PDE4D: variants seen among roughly 807,000 people sequenced by gnomAD.
PDE4D encodes the protein 3',5'-cyclic-AMP phosphodiesterase 4D.
A neutral mutation model predicts 87.4 loss-of-function variants in PDE4D; 24 were observed. The ratio of observed to expected loss-of-function variants is 0.27; its 90% CI spans 0.20 to 0.39. The LOEUF (loss-of-function observed/expected upper bound fraction) is 0.39, where lower values mean the gene tolerates loss of function less well. Ranked by LOEUF, PDE4D falls within the 10% of genes least tolerant of loss-of-function variation. PDE4D has a pLI of 1.00. For synonymous variants in PDE4D, 384 were observed against 383.2 expected, an observed-to-expected ratio of 1.00 and a Z score of -0.02; for missense variants, 714 against 1,041.0, an observed-to-expected ratio of 0.69 and a Z score of 4.32.
intron 1 of PDE4D, among the ~76,000 whole-genome samples, chr5:59,446,164 A>C (rs896359028): frequency 2.0e-5 from 3 of 152,150 alleles, no homozygotes; most frequent in Non-Finnish European, 4.4e-5. Flanking sequence ...TAACATATAC[A>C]ATCTTTTATG....
At chr5:59,509,161 A>G (rs1257244468) in intron 1 of PDE4D, among the ~76,000 whole-genome samples, 1 of 151,998 alleles carries the variant, frequency 6.6e-6, no homozygotes, top group Non-Finnish European at 1.5e-5. Context: ...AAAAATAAGA[A>G]TTTCAAAGCA....
At chr5:60,181,212 G>C (rs927220734) in intron 2 of PDE4D, among the ~76,000 whole-genome samples, 3 of 152,086 alleles carry the variant, frequency 2.0e-5, no homozygotes, top group African/African-American at 7.2e-5. Flanking sequence ...GTGAGTGACT[G>C]CTTCTAAAAA....
chr5:59,574,141 TATAA>T (rs1822672297), intron 1 of PDE4D, among the ~76,000 whole-genome samples: 1 of 5,088 alleles, frequency 2.0e-4, no homozygotes, highest in African/African-American at 3.6e-4. Context: ...TATATATATA[TATAA>T]ATATATATTT....
chr5:59,228,270 G>A (rs944846431), intron 1 of PDE4D, among the ~76,000 whole-genome samples: 5 of 151,892 alleles, frequency 3.3e-5, no homozygotes. Flanking sequence ...AGGGTGGGAG[G>A]AGAGAAGAGG....
At chr5:59,229,586 G>GT (rs1208566662) in intron 1 of PDE4D, among the ~76,000 whole-genome samples, 4 of 152,198 alleles carry the variant, frequency 2.6e-5, no homozygotes, top group South Asian at 2.1e-4. Context: ...AAAAATCTTA[G>GT]TTTTTTGAAT....
intron 1 of PDE4D, among the ~76,000 whole-genome samples, chr5:59,217,602 A>C (rs1293951117): frequency 6.6e-6 from 1 of 152,178 alleles, no homozygotes; most frequent in Non-Finnish European, 1.5e-5. Context: ...CAGGAAGGAC[A>C]ATGAGAGATT....
At chr5:59,324,020 T>A (rs567176420) in intron 1 of PDE4D, among the ~76,000 whole-genome samples, 3 of 152,230 alleles carry the variant, frequency 2.0e-5, no homozygotes, top group Admixed American at 2.0e-4. Context: ...TTATTCCCAG[T>A]CATTTGCACA....
At chr5:60,434,096 G>A (rs1744576693) in intron 1 of PDE4D, among the ~76,000 whole-genome samples, 1 of 152,104 alleles carries the variant, frequency 6.6e-6, no homozygotes, top group Non-Finnish European at 1.5e-5. Flanking sequence ...AGATTTCAGA[G>A]GAGAAAGCTC....
chr5:60,411,419 T>C (rs1330637927), intron 1 of PDE4D, among the ~76,000 whole-genome samples: 1 of 152,134 alleles, frequency 6.6e-6, no homozygotes, highest in Non-Finnish European at 1.5e-5. Flanking sequence ...CTGTATGACA[T>C]AACCAGAAGA....
intron 1 of PDE4D, among the ~76,000 whole-genome samples, chr5:59,668,279 C>T (rs1028895715): frequency 6.6e-6 from 1 of 152,150 alleles, no homozygotes; most frequent in Non-Finnish European, 1.5e-5. Context: ...AGAGTAAAAG[C>T]TAACATGCTA....
At chr5:59,769,840 G>GAAA (rs11400559) in intron 1 of PDE4D, among the ~76,000 whole-genome samples, 1 of 148,768 alleles carries the variant, frequency 6.7e-6, no homozygotes, top group African/African-American at 2.5e-5. Context: ...AATGCATCCA[G>GAAA]AAAAAAAAAA....
At chr5:60,074,187 T>C (rs1773041727) in intron 2 of PDE4D, among the ~76,000 whole-genome samples, 1 of 152,096 alleles carries the variant, frequency 6.6e-6, no homozygotes, top group Non-Finnish European at 1.5e-5. Flanking sequence ...CTGGTTAACA[T>C]TGCCTTAGCT....
intron 1 of PDE4D, among the ~76,000 whole-genome samples, chr5:59,574,827 C>T: frequency 6.6e-6 from 1 of 152,096 alleles, no homozygotes; most frequent in East Asian, 1.9e-4. Flanking sequence ...CTTTTTAAAA[C>T]ATTGAAGTTA....
intron 1 of PDE4D, among the ~76,000 whole-genome samples, chr5:59,780,665 C>CT (rs1491281168): frequency 2.0e-5 from 3 of 152,280 alleles, no homozygotes; most frequent in African/African-American, 4.8e-5. Flanking sequence ...GTTTGTGTAA[C>CT]TTTTTCCTTG....
chr5:59,561,039 A>C (rs924627618), intron 1 of PDE4D: 2 of 152,250 alleles, frequency 1.3e-5, no homozygotes, highest in African/African-American at 4.8e-5. Flanking sequence ...TTCTTCTTCC[A>C]ACCCCACAGG....
At chr5:60,421,204 A>G (rs1743065326) in intron 1 of PDE4D, among the ~76,000 whole-genome samples, 1 of 151,914 alleles carries the variant, frequency 6.6e-6, no homozygotes, top group African/African-American at 2.4e-5. Flanking sequence ...ATGGCGTTTG[A>G]GCTTTGAGAA....
In PDE4D at chr5:59,649,902, AACCTTTTTTTTTTTTTTTT is replaced by A. The variant is rs1266024703; in HGVS notation, c.455+243247_455+243265del. Among the ~76,000 whole-genome samples, 8 of 43,794 alleles carry A rather than the reference AACCTTTTTTTTTTTTTTTT, an allele frequency of 1.8e-4. 1 individual carries two copies. The Admixed American group carries it at 2.4e-3, about 13-fold the overall frequency. 28.7% of individuals were successfully genotyped at this position (43,794 alleles called of 152,430 possible). A position where few individuals can be genotyped will look rare whatever the true frequency, so the allele number is the denominator to read the frequency against. On this transcript the variant is annotated intron_variant, in intron 1 of 14. Coordinates refer to ENST00000340635, the MANE Select transcript of PDE4D (RefSeq NM_001104631.2). ...ATTGTTAAAATGTTGATAGTTTGTG[AACCTTTTTTTTTTTTTTTT>A]TTTTTTTTTTTAGCAATGACCCAAT...
At chr5:59,539,852 G>T (rs113093202) in intron 1 of PDE4D, among the ~76,000 whole-genome samples, 1 of 151,528 alleles carries the variant, frequency 6.6e-6, no homozygotes, top group Non-Finnish European at 1.5e-5. Context: ...ACACACACAC[G>T]AACTATGAAT....
chr5:59,636,294 T>C (rs566090987), intron 1 of PDE4D, among the ~76,000 whole-genome samples: 3 of 152,274 alleles, frequency 2.0e-5, no homozygotes, highest in African/African-American at 7.2e-5. Flanking sequence ...ATAGTGAAAA[T>C]GGCCACACTG....
Sources: allele counts gnomAD v4.1 joint callset (sites outside exome capture counted in the v4.1 genomes callset), GRCh38; gene constraint gnomAD v4.1.1; transcripts MANE v1.5; gene names NCBI Gene and HGNC (gene_info 2026-07-23, HGNC 2026-07-21).